Variants in RBFOX1 observed in about 807,000 individuals in gnomAD.
The protein encoded by RBFOX1 is RNA binding protein fox-1 homolog 1.
Under a neutral mutation model 57.7 loss-of-function variants are expected in RBFOX1, and 8 were observed. That is an observed-to-expected ratio of 0.14 (90% CI 0.08 to 0.25). The LOEUF (loss-of-function observed/expected upper bound fraction) is 0.25. RBFOX1 is among the 10% of genes least tolerant of loss of function. The pLI, the probability that RBFOX1 is intolerant of heterozygous loss-of-function variation, is 1.00. For synonymous variants in RBFOX1, 326 were observed against 222.4 expected (o/e 1.47, Z -4.15); for missense variants, 611 against 548.5 (o/e 1.11, Z -1.14).
At chr16:5,773,113 G>C (rs1288991535) in intron 3 of RBFOX1, among the ~76,000 whole-genome samples, 2 of 152,200 alleles carry the variant, frequency 1.3e-5, no homozygotes, top group Non-Finnish European at 1.5e-5. Flanking sequence ...AAGATTTTGA[G>C]CAGTAGACAG....
chr16:6,557,498 C>T (rs1409890715), intron 2 of RBFOX1, among the ~76,000 whole-genome samples: 1 of 152,110 alleles, frequency 6.6e-6, no homozygotes, highest in Non-Finnish European at 1.5e-5. Flanking sequence ...TCCTTTTTCA[C>T]AGTCTGCAGT....
chr16:6,193,368 A>ATATACAT (rs1567650544), intron 1 of RBFOX1, among the ~76,000 whole-genome samples: 2 of 114,302 alleles, frequency 1.7e-5, no homozygotes, highest in Non-Finnish European at 3.4e-5. Context: ...ATATATATAT[A>ATATACAT]TATATATACA....
chr16:5,447,037 T>C (rs1347242190), intron 1 of RBFOX1, among the ~76,000 whole-genome samples: 3 of 152,104 alleles, frequency 2.0e-5, no homozygotes, highest in African/African-American at 7.3e-5. Flanking sequence ...AAGCACCCAA[T>C]AGATGCTAAT....
chr16:5,470,562 A>G (rs1332158312), intron 2 of RBFOX1, among the ~76,000 whole-genome samples: 2 of 152,138 alleles, frequency 1.3e-5, no homozygotes, highest in Non-Finnish European at 2.9e-5. Flanking sequence ...TTGACAGAAT[A>G]ATAACAATTC....
At chr16:5,913,030 G>C (rs1024398192) in intron 4 of RBFOX1, among the ~76,000 whole-genome samples, 2 of 152,164 alleles carry the variant, frequency 1.3e-5, no homozygotes, top group Non-Finnish European at 2.9e-5. Context: ...TCTAAGTTCA[G>C]ACTCTAGCAT....
At chr16:5,432,204 A>G (rs1170755782) in intron 1 of RBFOX1, among the ~76,000 whole-genome samples, 1 of 152,180 alleles carries the variant, frequency 6.6e-6, no homozygotes, top group Non-Finnish European at 1.5e-5. Flanking sequence ...AGAAATCTGA[A>G]AAACACAATT....
At chr16:7,617,864 G>C (rs1469550147) in intron 10 of RBFOX1, among the ~76,000 whole-genome samples, 5 of 152,120 alleles carry the variant, frequency 3.3e-5, no homozygotes, top group African/African-American at 4.8e-5. Flanking sequence ...GAGTCAAGGG[G>C]GTGGTGTAAA....
chr16:7,075,186 C>T (rs1409433223), intron 4 of RBFOX1, among the ~76,000 whole-genome samples: 1 of 152,170 alleles, frequency 6.6e-6, no homozygotes, highest in Non-Finnish European at 1.5e-5. Flanking sequence ...TAGGTACAGA[C>T]TGCAGTGATG....
intron 3 of RBFOX1, among the ~76,000 whole-genome samples, chr16:5,764,831 T>G (rs1399197927): frequency 1.3e-5 from 2 of 152,208 alleles, no homozygotes; most frequent in Non-Finnish European, 2.9e-5. Context: ...TAAACATTTA[T>G]TATTTACCAG....
At chr16:7,494,002 A>C (rs2067777533) in intron 4 of RBFOX1, among the ~76,000 whole-genome samples, 1 of 152,078 alleles carries the variant, frequency 6.6e-6, no homozygotes, top group Non-Finnish European at 1.5e-5. Flanking sequence ...AAGCAATGGC[A>C]CCTTTTATTT....
chr16:7,224,127 T>TAA (rs1168449932), intron 4 of RBFOX1, among the ~76,000 whole-genome samples: 4,032 of 52,196 alleles, frequency 0.077, 694 homozygotes, highest in Non-Finnish European at 0.087. Flanking sequence ...TTCCTTTTTC[T>TAA]AAAAAAAAAA....
chr16:5,826,232 A>T (rs1258402629), intron 3 of RBFOX1, among the ~76,000 whole-genome samples: 1 of 151,402 alleles, frequency 6.6e-6, no homozygotes, highest in Non-Finnish European at 1.5e-5. Context: ...TTACTCATTT[A>T]CAAACACTCT....
At chr16:7,052,521 G>A (rs2050462020) in intron 4 of RBFOX1, among the ~76,000 whole-genome samples, 3 of 152,132 alleles carry the variant, frequency 2.0e-5, no homozygotes, top group African/African-American at 7.2e-5. Context: ...ATATGTCAAG[G>A]GCGTTTTCTG....
intron 4 of RBFOX1, among the ~76,000 whole-genome samples, chr16:7,165,730 C>T (rs1019672829): frequency 1.3e-5 from 2 of 151,936 alleles, no homozygotes; most frequent in East Asian, 1.9e-4. Flanking sequence ...TGCCTAGCTC[C>T]TCTCCTGGAA....
At chr16:6,896,048 A>G (rs1241085343) in intron 3 of RBFOX1, among the ~76,000 whole-genome samples, 1 of 152,130 alleles carries the variant, frequency 6.6e-6, no homozygotes, top group African/African-American at 2.4e-5. Flanking sequence ...CGAGGTGGGC[A>G]GATCATCTGA....
At chr16:7,137,410 C>T (rs187772538) in intron 4 of RBFOX1, among the ~76,000 whole-genome samples, 113 of 152,164 alleles carry the variant, frequency 7.4e-4, no homozygotes, top group East Asian at 4.8e-3. Flanking sequence ...CTCGTGGTAG[C>T]GAGTAAGTCT....
chr16:7,058,785 T>C (rs751261621), intron 4 of RBFOX1, among the ~76,000 whole-genome samples: 37 of 152,212 alleles, frequency 2.4e-4, no homozygotes, highest in Non-Finnish European at 5.3e-4. Flanking sequence ...CAATACAAAG[T>C]TTCCTTGGCA....
chr16:7,064,917 T>C (rs1408629444), intron 4 of RBFOX1, among the ~76,000 whole-genome samples: 1 of 152,210 alleles, frequency 6.6e-6, no homozygotes, highest in Non-Finnish European at 1.5e-5. Flanking sequence ...TGCATTTTCT[T>C]GTTTACTTAA....
At chr16:7,300,809 T>C (rs528946285) in intron 4 of RBFOX1, among the ~76,000 whole-genome samples, 1 of 152,338 alleles carries the variant, frequency 6.6e-6, no homozygotes, top group African/African-American at 2.4e-5. Context: ...TAAGGAAGTT[T>C]CATTTGAAGA....
Sources: gnomAD v4.1 joint callset for allele counts (sites outside exome capture counted in the v4.1 genomes callset) on GRCh38, gnomAD v4.1.1 for gene constraint, MANE v1.5 for transcripts, NCBI Gene and HGNC (gene_info 2026-07-23, HGNC 2026-07-21) for gene names.